Variants in TENM4 observed in about 807,000 individuals in gnomAD.
TENM4 encodes teneurin transmembrane protein 4, also known as teneurin-4.
In TENM4, 82 loss-of-function variants were observed where a neutral mutation model predicts 243.3. The observed-to-expected ratio is 0.34, with a 90% confidence interval of 0.28 to 0.40. The LOEUF is 0.40. Ranked by LOEUF, TENM4 falls within the 10% of genes least tolerant of loss-of-function variation. The pLI, the probability that TENM4 is intolerant of heterozygous loss-of-function variation, is 1.00. For synonymous variants in TENM4, 1,412 were observed against 1,456.3 expected (o/e 0.97, Z 0.69); for missense variants, 3,138 against 3,673.3 (o/e 0.85, Z 3.77).
At chr11:78,812,089 G>T (rs572916637) in intron 14 of TENM4, 33 bp downstream of exon 14, 1 of 1,540,592 alleles carries the variant, frequency 6.5e-7, no homozygotes, top group East Asian at 2.5e-5. Flanking sequence ...TATCTCAGAG[G>T]AAGGTGCCGG....
intron 6 of TENM4, chr11:78,904,015 A>G (rs950283597): frequency 5.7e-6 from 2 of 350,918 alleles, no homozygotes; most frequent in Admixed American, 3.9e-5. Flanking sequence ...AAATTCTAGA[A>G]CCGCTGATTA....
intron 21 of TENM4, among the ~76,000 whole-genome samples, chr11:78,730,334 TC>T (rs1195565109): frequency 6.6e-6 from 1 of 152,168 alleles, no homozygotes; most frequent in Non-Finnish European, 1.5e-5. Flanking sequence ...CAAATGACTT[TC>T]CTTTTCGGGA....
At chr11:79,395,568 G>A (rs554333235) in intron 1 of TENM4, among the ~76,000 whole-genome samples, 7 of 152,152 alleles carry the variant, frequency 4.6e-5, no homozygotes, top group African/African-American at 7.2e-5. Flanking sequence ...TGACAAATTC[G>A]CCCAAGTTCC....
chr11:79,183,940 G>A lies in TENM4; in HGVS notation c.-163+31868C>T, dbSNP rs142893528. Among the ~76,000 whole-genome samples the A allele has an allele frequency of 2.4e-3, 359 of 152,250 alleles. 1 individual carries two copies. Among genetic ancestry groups the A allele is most frequent in the African/African-American group, 8.0e-3 (333 of 41,550 alleles). The stretch of plus-strand genomic sequence containing the variant: ...AATAGTGTTGCTGCTGTGAAAAAAT[G>A]CATGGTAATTCCTCAATTTAATTAT... On this transcript the variant is annotated intron_variant, in intron 3 of 33. Coordinates refer to ENST00000278550, the MANE Select transcript of TENM4 (RefSeq NM_001098816.3).
chr11:79,000,154 T>C (rs1451368954), intron 6 of TENM4, among the ~76,000 whole-genome samples: 1 of 152,166 alleles, frequency 6.6e-6, no homozygotes. Context: ...AGCAAAACTA[T>C]CCTTAAAAAG....
At chr11:79,045,344 G>C (rs1859630995) in intron 6 of TENM4, among the ~76,000 whole-genome samples, 1 of 152,190 alleles carries the variant, frequency 6.6e-6, no homozygotes, top group African/African-American at 2.4e-5. Flanking sequence ...AGTGGAGTTG[G>C]AAGCTGAATT....
chr11:78,690,029 C>G (rs192021134), intron 28 of TENM4, among the ~76,000 whole-genome samples: 3 of 152,268 alleles, frequency 2.0e-5, no homozygotes, highest in African/African-American at 4.8e-5. Context: ...ATCAGAGGCT[C>G]TCCTGTGGGT....
At chr11:79,214,300 G>C (rs1442393193) in intron 3 of TENM4, among the ~76,000 whole-genome samples, 1 of 152,064 alleles carries the variant, frequency 6.6e-6, no homozygotes, top group Admixed American at 6.6e-5. Flanking sequence ...TGGCCAAAAA[G>C]CAAAAAATAT....
intron 1 of TENM4, among the ~76,000 whole-genome samples, chr11:79,391,099 T>C (rs1177857056): frequency 6.6e-6 from 1 of 152,180 alleles, no homozygotes; most frequent in Non-Finnish European, 1.5e-5. Context: ...ACTTACTATG[T>C]GAACTTGGGG....
chr11:78,964,036 CTTTTTTT>C (rs1002218964), intron 6 of TENM4, among the ~76,000 whole-genome samples: 3 of 109,398 alleles, frequency 2.7e-5, no homozygotes, highest in South Asian at 3.1e-4. Context: ...CACACCCAGA[CTTTTTTT>C]TTTTTTTTTT....
chr11:78,786,461 C>G (rs1419834572), intron 16 of TENM4, among the ~76,000 whole-genome samples: 5 of 152,236 alleles, frequency 3.3e-5, no homozygotes, highest in African/African-American at 9.6e-5. Flanking sequence ...GGGCACTCCA[C>G]TGTATGCCAG....
intron 2 of TENM4, among the ~76,000 whole-genome samples, chr11:79,218,781 T>G (rs74238054): frequency 0.073 from 11,126 of 152,262 alleles, 619 homozygotes; most frequent in East Asian, 0.15. Context: ...AGACAGTTAA[T>G]GAAACTAAAA....
intron 2 of TENM4, among the ~76,000 whole-genome samples, chr11:79,292,906 T>G (rs908191614): frequency 2.6e-5 from 4 of 152,236 alleles, no homozygotes; most frequent in African/African-American, 9.6e-5. Flanking sequence ...GTAGCCATTT[T>G]CAATATTGTT....
At chr11:79,125,711 T>C (rs113767295) in intron 4 of TENM4, among the ~76,000 whole-genome samples, 7,669 of 152,192 alleles carry the variant, frequency 0.05, 647 homozygotes, top group African/African-American at 0.18. Flanking sequence ...TTTCCATCTT[T>C]GTCTGAGGAC....
At chr11:78,951,642 C>G (rs1209104575) in intron 6 of TENM4, among the ~76,000 whole-genome samples, 1 of 152,176 alleles carries the variant, frequency 6.6e-6, no homozygotes, top group Non-Finnish European at 1.5e-5. Context: ...CACTTTCTTG[C>G]TGTGTCTCAC....
intron 4 of TENM4, among the ~76,000 whole-genome samples, chr11:79,124,385 A>G (rs575546557): frequency 6.6e-6 from 1 of 152,132 alleles, no homozygotes; most frequent in Admixed American, 6.5e-5. Flanking sequence ...GAATATAAGC[A>G]GGCAGAAAAA....
intron 6 of TENM4, among the ~76,000 whole-genome samples, chr11:79,007,873 T>C (rs617511): frequency 0.2 from 31,022 of 152,204 alleles, 3,616 homozygotes; most frequent in Non-Finnish European, 0.27. Context: ...TCTTCCTTTT[T>C]TTCCCACCAG....
At chr11:79,373,664 A>G in intron 1 of TENM4, among the ~76,000 whole-genome samples, 1 of 152,244 alleles carries the variant, frequency 6.6e-6, no homozygotes, top group East Asian at 1.9e-4. Flanking sequence ...TTCTCCAGCA[A>G]TACAAATTAT....
At chr11:79,349,530 C>A (rs1857381235) in intron 1 of TENM4, among the ~76,000 whole-genome samples, 1 of 152,156 alleles carries the variant, frequency 6.6e-6, no homozygotes, top group Non-Finnish European at 1.5e-5. Context: ...TTAGCACTTT[C>A]TATGTAGCAC....
Sources: allele counts gnomAD v4.1 joint callset (sites outside exome capture counted in the v4.1 genomes callset), GRCh38; gene constraint gnomAD v4.1.1; transcripts MANE v1.5; gene names NCBI Gene and HGNC (gene_info 2026-07-23, HGNC 2026-07-21).